The following TLE4 variants were observed in gnomAD, a reference collection of about 807,000 sequenced individuals.
TLE4 encodes transducin-like enhancer protein 4.
TLE4 carries 8 observed loss-of-function variants against 92.8 expected under a neutral mutation model. The observed-to-expected ratio is 0.09, with a 90% confidence interval of 0.05 to 0.16. The LOEUF (loss-of-function observed/expected upper bound fraction) is 0.16, where lower values mean the gene tolerates loss of function less well. Ranked by LOEUF, TLE4 falls within the 10% of genes least tolerant of loss-of-function variation. The pLI is 1.00. For missense variants in TLE4, 675 were observed against 997.6 expected, an observed-to-expected ratio of 0.68 and a Z score of 4.36; for synonymous variants, 371 against 374.1, an observed-to-expected ratio of 0.99 and a Z score of 0.10.
chr9:79,652,252 A>G (rs2059139003), intron 6 of TLE4, among the ~76,000 whole-genome samples: 1 of 151,556 alleles, frequency 6.6e-6, no homozygotes, highest in Admixed American at 6.6e-5. Flanking sequence ...AGTGGCACGA[A>G]CTCGGCTCAC....
chr9:79,696,305 T>G (rs1335997899), intron 8 of TLE4, among the ~76,000 whole-genome samples: 2 of 152,158 alleles, frequency 1.3e-5, no homozygotes. Context: ...ACATAGGTGG[T>G]TCACATTATA....
At chr9:79,573,881 G>C in intron 2 of TLE4, 95 bp downstream of exon 2, 1 of 861,480 alleles carries the variant, frequency 1.2e-6, no homozygotes, top group East Asian at 3.1e-5. Flanking sequence ...TTTTTTGTGG[G>C]GGCGTCACAA....
intron 8 of TLE4, among the ~76,000 whole-genome samples, chr9:79,661,332 C>T (rs1222909380): frequency 6.6e-6 from 1 of 152,160 alleles, no homozygotes; most frequent in Non-Finnish European, 1.5e-5. Context: ...ATTATTTCTG[C>T]AACACTTTCC....
intron 8 of TLE4, among the ~76,000 whole-genome samples, chr9:79,663,025 G>A (rs1402400500): frequency 6.9e-6 from 1 of 145,060 alleles, no homozygotes; most frequent in African/African-American, 2.5e-5. Context: ...CGTGACATTT[G>A]TGATTTTAAC....
chr9:79,642,746 C>T (rs2057410599), intron 6 of TLE4, among the ~76,000 whole-genome samples: 1 of 152,114 alleles, frequency 6.6e-6, no homozygotes, highest in African/African-American at 2.4e-5. Flanking sequence ...ATTATTACTT[C>T]ATGAGTTAAA....
At position 79,663,134 on chromosome 9, in the gene TLE4, T is replaced by C. The variant is rs987186970; in HGVS notation, c.609+9059T>C. Among the ~76,000 whole-genome samples, 3 of 152,082 alleles carry C rather than the reference T, an allele frequency of 2.0e-5. 1 individual carries two copies. Among genetic ancestry groups the C allele is most frequent in the Admixed American group, 2.0e-4 (3 of 15,276 alleles). On this transcript the variant is annotated intron_variant, in intron 8 of 19. Coordinates refer to ENST00000376552, the MANE Select transcript of TLE4 (RefSeq NM_007005.6). ...CCTTTTTCACAAAGACTCTGGCTGATTGGGACTCGCACAGCTAGCGGCAAC... is the reference window on the plus strand; with the variant it reads ...CCTTTTTCACAAAGACTCTGGCTGACTGGGACTCGCACAGCTAGCGGCAAC...
intron 1 of TLE4, chr9:79,573,327 A>C: frequency 1.9e-6 from 2 of 1,068,696 alleles, no homozygotes; most frequent in Non-Finnish European, 2.3e-6. Context: ...CCGCAGCCCG[A>C]CGCCATGGCG....
intron 7 of TLE4, among the ~76,000 whole-genome samples, chr9:79,653,102 A>C (rs1165286092): frequency 6.6e-6 from 1 of 152,216 alleles, no homozygotes; most frequent in Non-Finnish European, 1.5e-5. Context: ...TGTTTGAAGT[A>C]GCATGTTGCA....
intron 8 of TLE4, among the ~76,000 whole-genome samples, chr9:79,670,215 A>G (rs2134810225): frequency 6.6e-6 from 1 of 152,226 alleles, no homozygotes; most frequent in Non-Finnish European, 1.5e-5. Context: ...GAAAGAAAAA[A>G]AAACTTGAGA....
At chr9:79,597,305 C>T (rs529078301) in intron 4 of TLE4, among the ~76,000 whole-genome samples, 91 of 152,268 alleles carry the variant, frequency 6.0e-4, no homozygotes, top group African/African-American at 2.0e-3. Context: ...CTGGACCTCC[C>T]GGTCTACTTT....
intron 8 of TLE4, among the ~76,000 whole-genome samples, chr9:79,662,953 C>T (rs1468641936): frequency 6.6e-6 from 1 of 152,106 alleles, no homozygotes; most frequent in East Asian, 1.9e-4. Flanking sequence ...AGCCTGTGTT[C>T]TCCCCCTCAC....
chr9:79,709,784 G>C, intron 14 of TLE4, 85 bp downstream of exon 14: 1 of 1,084,224 alleles, frequency 9.2e-7, no homozygotes, highest in South Asian at 1.5e-5. Context: ...CCACTAGACA[G>C]TGTTGGGGGA....
chr9:79,572,684 T>G lies in TLE4; in HGVS notation c.-107T>G. 1 of 1,213,220 alleles carries G rather than the reference T, an allele frequency of 8.2e-7. No individual in the cohort carries two copies. Among genetic ancestry groups the G allele is most frequent in the South Asian group, 1.3e-5 (1 of 75,418 alleles). The allele number at this position is 1,213,220 out of a possible 1,614,324, so 75.2% of individuals were successfully genotyped here. A position where few individuals can be genotyped will look rare whatever the true frequency, so the allele number is the denominator to read the frequency against. On this transcript the variant is annotated 5_prime_UTR_variant, in exon 1 of 20. Coordinates refer to ENST00000376552, the MANE Select transcript of TLE4 (RefSeq NM_007005.6). ...GGGCCGGGACCGCCCGAGCCGCCCC[T>G]CAGACCGAGCCGGCCGCCTCCGCTG...
chr9:79,655,212 T>C (rs146933861), intron 8 of TLE4, among the ~76,000 whole-genome samples: 1 of 152,228 alleles, frequency 6.6e-6, no homozygotes, highest in East Asian at 1.9e-4. Context: ...GTATTACATA[T>C]GCCATTGTGT....
In TLE4 at chr9:79,576,151, G is replaced by T; in HGVS notation, c.226G>T (p.Gly76Trp). ...HYVMYYEMSY[G>W]LNIEMHKQAE... ...TTGACAGTATTATGAAATGTCCTATGGGTTGAATATAGAAATGCACAAGCA... is the reference window on the plus strand; with the variant it reads ...TTGACAGTATTATGAAATGTCCTATTGGTTGAATATAGAAATGCACAAGCA... Residue 76 changes from glycine to tryptophan, a missense_variant, in exon 4 of 20, where the codon GGG (glycine) becomes TGG (tryptophan). Coordinates refer to ENST00000376552, the MANE Select transcript of TLE4 (RefSeq NM_007005.6). 1 of 1,533,682 alleles carries T rather than the reference G, an allele frequency of 6.5e-7. No homozygotes were observed. The highest frequency in any genetic ancestry group is 1.3e-5 in the South Asian group (1 of 75,696).
rs2036610952 is a variant in TLE4 at position 79,573,579 on chromosome 9, T to C, written c.46-110T>C. On this transcript the variant is annotated intron_variant, in intron 1 of 19. Coordinates refer to ENST00000376552, the MANE Select transcript of TLE4 (RefSeq NM_007005.6). ...AGGAGAGTTTTAATCTCTCTTTGCT[T>C]GCGTGCGCGATGACCCTCACCCCCC... 8 of 931,266 alleles carry C rather than the reference T, an allele frequency of 8.6e-6. No homozygotes were observed. The South Asian group carries it at 1.7e-4, about 19-fold the overall frequency. The allele number at this position is 931,266 out of a possible 1,614,324, so 57.7% of individuals were successfully genotyped here.
chr9:79,666,735 G>T (rs1490540228), intron 8 of TLE4, among the ~76,000 whole-genome samples: 2 of 152,106 alleles, frequency 1.3e-5, no homozygotes, highest in East Asian at 3.8e-4. Flanking sequence ...ATGTTTAGGG[G>T]AAAAAAATGC....
chr9:79,717,255 G>A (rs2074684294), intron 14 of TLE4, among the ~76,000 whole-genome samples: 1 of 152,122 alleles, frequency 6.6e-6, no homozygotes, highest in African/African-American at 2.4e-5. Flanking sequence ...GTACCCTTGA[G>A]TTATGCTTTC....
intron 4 of TLE4, among the ~76,000 whole-genome samples, chr9:79,595,014 TC>T: frequency 1.3e-5 from 2 of 152,232 alleles, no homozygotes; most frequent in East Asian, 3.8e-4. Context: ...TGCAGCTCAA[TC>T]TCACATTGGC....
Sources: allele counts gnomAD v4.1 joint callset (sites outside exome capture counted in the v4.1 genomes callset), GRCh38; gene constraint gnomAD v4.1.1; transcripts MANE v1.5; gene names NCBI Gene and HGNC (gene_info 2026-07-23, HGNC 2026-07-21).